The following CDC42BPA variants were observed in gnomAD, a reference collection of about 807,000 sequenced individuals.
CDC42BPA encodes CDC42 binding protein kinase alpha.
Under a neutral mutation model 223.5 loss-of-function variants are expected in CDC42BPA, and 80 were observed. The observed-to-expected ratio is 0.36, with a 90% CI of 0.30 to 0.43. The LOEUF (loss-of-function observed/expected upper bound fraction) is 0.43, where lower values mean the gene tolerates loss of function less well. Among genes scored for constraint, CDC42BPA ranks in the 20% least tolerant of loss-of-function variants. The pLI, the probability that CDC42BPA is intolerant of heterozygous loss-of-function variation, is 1.00. For synonymous variants in CDC42BPA, 694 were observed against 718.6 expected (o/e 0.97, Z 0.55); for missense variants, 1,743 against 2,099.9 (o/e 0.83, Z 3.32).
intron 3 of CDC42BPA, among the ~76,000 whole-genome samples, chr1:227,207,104 C>T (rs6660354): frequency 0.68 from 78,797 of 115,920 alleles, 27,130 homozygotes; most frequent in Middle Eastern, 0.74. Context: ...ACAACAGTCC[C>T]CCGGAGTGTG....
chr1:227,017,142 T>C lies in CDC42BPA; in HGVS notation c.4616-92A>G, dbSNP rs997598762. The C allele has an allele frequency of 8.8e-6, 10 of 1,141,896 alleles. No homozygotes were observed. The African/African-American group carries it at 9.4e-5, about 11-fold the overall frequency. 70.7% of individuals were successfully genotyped at this position (1,141,896 alleles called of 1,614,324 possible). On this transcript the variant is annotated intron_variant, in intron 32 of 36. Coordinates refer to ENST00000366766, the MANE Select transcript of CDC42BPA (RefSeq NM_001394014.1). ...ACCTCCAAGACAGTACAAACATTGATAGTACAAGTACATGCAATTCTGGTT... is the reference window on the plus strand; with the variant it reads ...ACCTCCAAGACAGTACAAACATTGACAGTACAAGTACATGCAATTCTGGTT...
intron 10 of CDC42BPA, among the ~76,000 whole-genome samples, chr1:227,137,505 C>A (rs1658820124): frequency 6.6e-6 from 1 of 151,648 alleles, no homozygotes; most frequent in Admixed American, 6.6e-5. Flanking sequence ...AATTGTACTC[C>A]CAGGTATATA....
At chr1:227,294,586 C>G (rs1413612483) in intron 1 of CDC42BPA, among the ~76,000 whole-genome samples, 2 of 72,996 alleles carry the variant, frequency 2.7e-5, no homozygotes, top group African/African-American at 5.6e-5. Flanking sequence ...ATTGGCCGGG[C>G]GCGGTGGCTC....
In CDC42BPA at chr1:227,026,044, T is replaced by C. The variant is rs746006318; in HGVS notation, c.4530+11A>G. On this transcript the variant is annotated intron_variant, in intron 31 of 36. Coordinates refer to ENST00000366766, the MANE Select transcript of CDC42BPA (RefSeq NM_001394014.1). ...TCAGTTGGCTTAGCCCACATTTTAA[T>C]GTTAAATTACCTTTTTGAGAGGAAG... 2.0e-6 allele frequency: 3 copies of C among 1,469,420 alleles called. No homozygotes were observed. In the East Asian group the frequency reaches 6.9e-5, roughly 34 times the overall value. 91.0% of individuals were successfully genotyped at this position (1,469,420 alleles called of 1,614,324 possible). A position where few individuals can be genotyped will look rare whatever the true frequency, so the allele number is the denominator to read the frequency against.
intron 1 of CDC42BPA, among the ~76,000 whole-genome samples, chr1:227,272,451 TA>T (rs1432700265): frequency 6.6e-6 from 1 of 152,028 alleles, no homozygotes; most frequent in Non-Finnish European, 1.5e-5. Context: ...TACTCTAAGT[TA>T]AAAAGAAAAA....
rs138921584 is a variant in CDC42BPA at position 227,143,388 on chromosome 1, T to C, written c.1144-364A>G. Among the ~76,000 whole-genome samples, 408 of 152,300 alleles carry C rather than the reference T, an allele frequency of 2.7e-3. 2 individuals carry two copies. Among genetic ancestry groups the C allele is most frequent in the African/African-American group, 9.4e-3 (392 of 41,560 alleles). On this transcript the variant is annotated intron_variant, in intron 8 of 36. Coordinates refer to ENST00000366766, the MANE Select transcript of CDC42BPA (RefSeq NM_001394014.1). The stretch of plus-strand genomic sequence containing the variant: ...AGACACGTGCAGAGCAGAGAAAAAT[T>C]TGAGATGTCCTATGCTCACATTCCC...
intron 2 of CDC42BPA, among the ~76,000 whole-genome samples, chr1:227,216,918 C>T (rs1023795350): frequency 1.3e-5 from 2 of 152,116 alleles, no homozygotes; most frequent in Non-Finnish European, 2.9e-5. Flanking sequence ...TTTCTGTAAA[C>T]ACTACAGAAA....
chr1:227,108,765 T>G (rs1199356364), intron 14 of CDC42BPA, among the ~76,000 whole-genome samples: 1 of 152,182 alleles, frequency 6.6e-6, no homozygotes, highest in African/African-American at 2.4e-5. Flanking sequence ...AGTCACATAT[T>G]GCTAAACGAC....
chr1:227,135,550 G>A (rs751493509), intron 10 of CDC42BPA, among the ~76,000 whole-genome samples: 48 of 152,004 alleles, frequency 3.2e-4, no homozygotes, highest in South Asian at 4.2e-4. Context: ...GTAGGGTTGA[G>A]TCTAATTAAA....
chr1:226,995,102 C>T (rs1026689928), intron 35 of CDC42BPA, 122 bp from the exon 36 acceptor site: 19 of 799,932 alleles, frequency 2.4e-5, no homozygotes, highest in Admixed American at 2.4e-4. Context: ...TCCCCTGAAG[C>T]GCAGTAAGTC....
chr1:227,004,868 C>T (rs767243690), intron 35 of CDC42BPA, 126 bp downstream of exon 35: 15 of 791,690 alleles, frequency 1.9e-5, no homozygotes, highest in Non-Finnish European at 3.0e-5. Context: ...GGGTCTGAGA[C>T]ACTGCAGCCA....
In CDC42BPA at chr1:226,994,323, C is replaced by CG; in HGVS notation, c.5209dup (p.Arg1737ProfsTer12). 6.3e-7 allele frequency: 1 copy of CG among 1,598,164 alleles called. No homozygotes were observed. Among genetic ancestry groups the CG allele is most frequent in the Non-Finnish European group, 8.5e-7 (1 of 1,171,136 alleles). On this transcript the variant is annotated frameshift_variant, in exon 37 of 37. Coordinates refer to ENST00000366766, the MANE Select transcript of CDC42BPA (RefSeq NM_001394014.1). LOFTEE classifies it high-confidence loss of function. This position sits in a 1 kb window ranked among gnomAD's most constrained non-coding sequence, Gnocchi z 4.0. ...CTCCAGGGAGAGGCTCTTGGTTTTT[C>CG]GGGGTGAAGCTGGGCTTGGGGGGCT... is the stretch of plus-strand genomic sequence containing the variant.
chr1:227,061,109 G>T (rs902273666), intron 21 of CDC42BPA, among the ~76,000 whole-genome samples: 1 of 152,108 alleles, frequency 6.6e-6, no homozygotes, highest in African/African-American at 2.4e-5. Context: ...AGGATTAGAA[G>T]GCCCGGAGAG....
At chr1:227,010,555 T>C (rs914327538) in intron 34 of CDC42BPA, among the ~76,000 whole-genome samples, 12 of 152,322 alleles carry the variant, frequency 7.9e-5, no homozygotes, top group Non-Finnish European at 1.5e-4. Context: ...CTGTTTGTTT[T>C]AACAGAATAG....
chr1:227,209,540 T>C (rs185739959), intron 3 of CDC42BPA, among the ~76,000 whole-genome samples: 9,519 of 135,340 alleles, frequency 0.07, 430 homozygotes, highest in East Asian at 0.27. Context: ...CATCAATACC[T>C]AATTTATTGA....
intron 5 of CDC42BPA, chr1:227,183,520 A>C (rs1283075208): frequency 1.3e-5 from 2 of 152,246 alleles, no homozygotes; most frequent in Non-Finnish European, 2.9e-5. Context: ...TATTGTATAT[A>C]TCAGAAGTTC....
intron 23 of CDC42BPA, among the ~76,000 whole-genome samples, chr1:227,044,414 T>G (rs58532064): frequency 0.16 from 23,501 of 145,360 alleles, 2,202 homozygotes; most frequent in African/African-American, 0.26. Flanking sequence ...AAAAAATTTT[T>G]CTACATTTTC....
chr1:227,026,393 C>T (rs1668258767), intron 30 of CDC42BPA, among the ~76,000 whole-genome samples: 1 of 152,060 alleles, frequency 6.6e-6, no homozygotes, highest in African/African-American at 2.4e-5. Flanking sequence ...TCTGTAAACA[C>T]CAGGGGTATA....
At chr1:227,304,638 C>T (rs1292084845) in intron 1 of CDC42BPA, among the ~76,000 whole-genome samples, 1 of 152,214 alleles carries the variant, frequency 6.6e-6, no homozygotes, top group Non-Finnish European at 1.5e-5. Flanking sequence ...ATTCATTCAA[C>T]CTACATTACC....
Sources: gnomAD v4.1 joint callset for allele counts (sites outside exome capture counted in the v4.1 genomes callset) on GRCh38, gnomAD v4.1.1 for gene constraint, Gnocchi (gnomAD v3.1) non-coding constraint, MANE v1.5 for transcripts, NCBI Gene and HGNC (gene_info 2026-07-23, HGNC 2026-07-21) for gene names.